The following GRIA2 variants were observed in gnomAD, a reference collection of about 807,000 sequenced individuals.
GRIA2 encodes the protein glutamate ionotropic receptor AMPA type subunit 2.
GRIA2 carries 14 observed loss-of-function variants against 97.3 expected under a neutral mutation model. That is an observed-to-expected ratio of 0.14 (90% CI 0.10 to 0.23). The LOEUF is 0.23. Among genes scored for constraint, GRIA2 ranks in the 10% least tolerant of loss-of-function variants. The pLI, the probability that GRIA2 is intolerant of heterozygous loss-of-function variation, is 1.00. For missense variants in GRIA2, 558 were observed against 1,069.8 expected, an observed-to-expected ratio of 0.52 and a Z score of 6.67; for synonymous variants, 412 against 387.8, an observed-to-expected ratio of 1.06 and a Z score of -0.73.
At position 157,326,404 on chromosome 4, in the gene GRIA2, G is replaced by A. The variant is rs554301205; in HGVS notation, c.882+4805G>A. Among the ~76,000 whole-genome samples, 3 of 152,140 alleles carry A rather than the reference G, an allele frequency of 2.0e-5. No individual in the cohort carries two copies. The South Asian group carries it at 6.2e-4, about 32-fold the overall frequency. The stretch of plus-strand genomic sequence containing the variant: ...GTTAATTATCTCCTCCTACTTGAAA[G>A]TAAGTGCCATTTAAAAAAAATTCAT... On this transcript the variant is annotated intron_variant, in intron 6 of 15. Coordinates refer to ENST00000264426, the MANE Select transcript of GRIA2 (RefSeq NM_001083619.3).
intron 2 of GRIA2, among the ~76,000 whole-genome samples, chr4:157,282,456 A>G: frequency 6.6e-6 from 1 of 152,136 alleles, no homozygotes; most frequent in East Asian, 1.9e-4. Flanking sequence ...AGATTGGGCA[A>G]TAAGAATTTG....
At chr4:157,274,401 TAC>T (rs1429160213) in intron 2 of GRIA2, among the ~76,000 whole-genome samples, 1 of 151,956 alleles carries the variant, frequency 6.6e-6, no homozygotes, top group African/African-American at 2.4e-5. Flanking sequence ...AGTTTTAGGG[TAC>T]ATGTGCACAA....
At chr4:157,340,142 AT>A (rs1735483250) in intron 11 of GRIA2, among the ~76,000 whole-genome samples, 1 of 151,828 alleles carries the variant, frequency 6.6e-6, no homozygotes, top group Non-Finnish European at 1.5e-5. Flanking sequence ...GATCTAGAAT[AT>A]GTTTCATCAA....
intron 1 of GRIA2, 27 bp downstream of exon 1, chr4:157,221,157 G>C: frequency 9.2e-7 from 1 of 1,088,280 alleles, no homozygotes; most frequent in East Asian, 2.4e-5. Flanking sequence ...CTATGCTTTT[G>C]AATTGTGCAT....
chr4:157,283,769 C>T (rs972477087), intron 2 of GRIA2, among the ~76,000 whole-genome samples: 2 of 151,874 alleles, frequency 1.3e-5, no homozygotes, highest in Non-Finnish European at 2.9e-5. Flanking sequence ...TAAATTAAGA[C>T]ACTCACTAGT....
intron 2 of GRIA2, among the ~76,000 whole-genome samples, chr4:157,274,614 G>A (rs1344804205): frequency 2.7e-5 from 4 of 149,514 alleles, no homozygotes; most frequent in East Asian, 4.0e-4. Context: ...GAGAACATGC[G>A]GTGTTTGGCT....
intron 2 of GRIA2, among the ~76,000 whole-genome samples, chr4:157,268,624 A>T (rs1476705990): frequency 6.6e-6 from 1 of 152,012 alleles, no homozygotes; most frequent in Admixed American, 6.6e-5. Flanking sequence ...GTATATAAAT[A>T]ACTAAGGAAA....
At chr4:157,334,396 T>C (rs1031595592) in intron 9 of GRIA2, 2 of 271,774 alleles carry the variant, frequency 7.4e-6, no homozygotes, top group Non-Finnish European at 1.4e-5. Flanking sequence ...TCTTGAAGAG[T>C]GTTCCTCATG....
chr4:157,275,550 G>A (rs1460926894), intron 2 of GRIA2, among the ~76,000 whole-genome samples: 1 of 152,108 alleles, frequency 6.6e-6, no homozygotes, highest in Non-Finnish European at 1.5e-5. Flanking sequence ...TTTGTATAAG[G>A]TGTAAGGAAG....
At chr4:157,324,686 G>C (rs1445411703) in intron 6 of GRIA2, among the ~76,000 whole-genome samples, 1 of 152,154 alleles carries the variant, frequency 6.6e-6, no homozygotes, top group African/African-American at 2.4e-5. Context: ...GACCAGTGAG[G>C]AGGGAGGTCA....
intron 2 of GRIA2, among the ~76,000 whole-genome samples, chr4:157,283,015 G>A (rs1471048280): frequency 6.6e-6 from 1 of 151,726 alleles, no homozygotes; most frequent in Non-Finnish European, 1.5e-5. Context: ...GTTTTAAAAC[G>A]GATTTTATTT....
At chr4:157,225,603 T>A (rs1268013060) in intron 2 of GRIA2, among the ~76,000 whole-genome samples, 2 of 145,672 alleles carry the variant, frequency 1.4e-5, no homozygotes, top group East Asian at 4.2e-4. Context: ...AATAAATGAC[T>A]GCTTTTTTTC....
At chr4:157,332,027 T>C (rs1452399556) in intron 6 of GRIA2, among the ~76,000 whole-genome samples, 2 of 152,054 alleles carry the variant, frequency 1.3e-5, no homozygotes, top group African/African-American at 4.8e-5. Context: ...AGTAAAACTT[T>C]AATGTCAAAA....
intron 2 of GRIA2, among the ~76,000 whole-genome samples, chr4:157,288,596 A>G (rs1732952877): frequency 6.6e-6 from 1 of 151,812 alleles, no homozygotes; most frequent in African/African-American, 2.4e-5. Context: ...CTTTATGAGT[A>G]TCAAAATTAT....
At chr4:157,288,620 T>C (rs796925699) in intron 2 of GRIA2, among the ~76,000 whole-genome samples, 7 of 151,972 alleles carry the variant, frequency 4.6e-5, no homozygotes, top group African/African-American at 1.7e-4. Context: ...GTGTATACTT[T>C]ATATAATCTC....
chr4:157,360,169 C>T, intron 13 of GRIA2, 26 bp downstream of exon 13: 2 of 1,603,490 alleles, frequency 1.2e-6, no homozygotes, highest in Non-Finnish European at 1.7e-6. Flanking sequence ...TAACAATATG[C>T]TAAATGTTGT....
chr4:157,246,049 C>A (rs1433407992), intron 2 of GRIA2, among the ~76,000 whole-genome samples: 2 of 151,990 alleles, frequency 1.3e-5, no homozygotes, highest in Non-Finnish European at 2.9e-5. Context: ...GTAATAATTT[C>A]TAGTTAATTT....
chr4:157,303,934 A>T lies in GRIA2; in HGVS notation c.469+143A>T, dbSNP rs1419772172. ...ATTTTGCTGTGATAATGACTAATGC[A>T]ATTTAAAACCTGGGAAACATATTTA... On this transcript the variant is annotated intron_variant, in intron 3 of 15. Coordinates refer to ENST00000264426, the MANE Select transcript of GRIA2 (RefSeq NM_001083619.3). The T allele has an allele frequency of 6.5e-6, 5 of 767,914 alleles. No individual in the cohort carries two copies. The Admixed American group carries it at 1.2e-4, about 18-fold the overall frequency. 47.6% of individuals were successfully genotyped at this position (767,914 alleles called of 1,614,324 possible). A position where few individuals can be genotyped will look rare whatever the true frequency, so the allele number is the denominator to read the frequency against.
chr4:157,325,608 T>G (rs1734769077), intron 6 of GRIA2, among the ~76,000 whole-genome samples: 1 of 152,152 alleles, frequency 6.6e-6, no homozygotes, highest in Non-Finnish European at 1.5e-5. Flanking sequence ...AAACTTATGA[T>G]TTTCCTCACT....
Sources: gnomAD v4.1 joint callset for allele counts (sites outside exome capture counted in the v4.1 genomes callset) on GRCh38, gnomAD v4.1.1 for gene constraint, MANE v1.5 for transcripts, NCBI Gene and HGNC (gene_info 2026-07-23, HGNC 2026-07-21) for gene names.